SUCLG2: variants seen among roughly 807,000 people sequenced by gnomAD.
SUCLG2 encodes succinate-CoA ligase GDP-forming subunit beta.
In SUCLG2, 42 loss-of-function variants were observed where a neutral mutation model predicts 47.9. The ratio of observed to expected loss-of-function variants is 0.88; its 90% confidence interval spans 0.69 to 1.14. The LOEUF is 1.14. SUCLG2 is among the 50% of genes most tolerant of loss of function. The pLI is 0.00. For missense variants in SUCLG2, 571 were observed against 525.9 expected (o/e 1.09, Z -0.84); for synonymous variants, 195 against 197.3 (o/e 0.99, Z 0.10).
rs1004362426 is a variant in SUCLG2 at position 67,491,557 on chromosome 3, GT to G, written c.1062+4240del. Among the ~76,000 whole-genome samples, 150 of 151,942 alleles carry G rather than the reference GT, an allele frequency of 9.9e-4. 1 individual carries two copies. Among genetic ancestry groups the G allele is most frequent in the African/African-American group, 3.5e-3 (145 of 41,474 alleles). ...TTTTTGCATTTTAAGTAGAGACGGG[GT>G]TTTACCATTTTGGCCAGGCTGCTCT... On this transcript the variant is annotated intron_variant, in intron 9 of 10. Coordinates refer to ENST00000307227, the MANE Select transcript of SUCLG2 (RefSeq NM_003848.4).
chr3:67,376,901 A>G (rs1463284592), intron 10 of SUCLG2, among the ~76,000 whole-genome samples: 2 of 152,212 alleles, frequency 1.3e-5, no homozygotes, highest in African/African-American at 4.8e-5. Context: ...AAAATGTGGG[A>G]AGCTGCTACC....
At chr3:67,556,674 T>G (rs1707169105) in intron 2 of SUCLG2, among the ~76,000 whole-genome samples, 1 of 152,178 alleles carries the variant, frequency 6.6e-6, no homozygotes, top group Non-Finnish European at 1.5e-5. Context: ...TCCCATTGTC[T>G]CTGCTGCAGT....
intron 2 of SUCLG2, among the ~76,000 whole-genome samples, chr3:67,573,453 A>C (rs547700173): frequency 6.6e-6 from 1 of 152,390 alleles, no homozygotes; most frequent in East Asian, 1.9e-4. Context: ...TTTCTGACAT[A>C]TATTACATTT....
At chr3:67,480,134 C>T (rs1704872822) in intron 9 of SUCLG2, among the ~76,000 whole-genome samples, 1 of 69,996 alleles carries the variant, frequency 1.4e-5, no homozygotes, top group Admixed American at 2.0e-4. Context: ...GAGGCATATT[C>T]TCGGTTTGGT....
chr3:67,627,968 A>G (rs970936925), intron 1 of SUCLG2, among the ~76,000 whole-genome samples: 9 of 152,102 alleles, frequency 5.9e-5, no homozygotes, highest in Non-Finnish European at 1.3e-4. Flanking sequence ...TGCAAGTTAT[A>G]ATCTCTGTTT....
At chr3:67,568,989 T>C (rs945295115) in intron 2 of SUCLG2, among the ~76,000 whole-genome samples, 2 of 152,148 alleles carry the variant, frequency 1.3e-5, no homozygotes, top group African/African-American at 4.8e-5. Context: ...TAAGTCAGAG[T>C]TAAGATTGTT....
At chr3:67,606,658 T>C (rs572337659) in intron 2 of SUCLG2, among the ~76,000 whole-genome samples, 101 of 152,340 alleles carry the variant, frequency 6.6e-4, no homozygotes, top group African/African-American at 2.2e-3. Context: ...CTTATTTTAC[T>C]GGGATTTTTT....
intron 10 of SUCLG2, among the ~76,000 whole-genome samples, chr3:67,390,303 G>C (rs1702351955): frequency 6.6e-6 from 1 of 152,088 alleles, no homozygotes; most frequent in African/African-American, 2.4e-5. Flanking sequence ...AGATTCTGTT[G>C]CCCACCCACA....
At chr3:67,426,658 A>T (rs1031454085) in intron 9 of SUCLG2, among the ~76,000 whole-genome samples, 16 of 152,186 alleles carry the variant, frequency 1.1e-4, no homozygotes, top group Non-Finnish European at 1.3e-4. Flanking sequence ...TGCTGGGCGC[A>T]GTGGCTCACA....
chr3:67,590,856 C>T (rs547603295), intron 2 of SUCLG2, among the ~76,000 whole-genome samples: 1 of 152,276 alleles, frequency 6.6e-6, no homozygotes, highest in African/African-American at 2.4e-5. Flanking sequence ...CAAAGTTTCA[C>T]ATCTTTCCAG....
At chr3:67,495,726 GA>G in intron 9 of SUCLG2, 71 bp downstream of exon 9, 1 of 1,572,412 alleles carries the variant, frequency 6.4e-7, no homozygotes. Context: ...CTCTCACCAG[GA>G]AGAACAAGTG....
intron 2 of SUCLG2, among the ~76,000 whole-genome samples, chr3:67,589,747 C>T (rs1357730647): frequency 1.3e-5 from 2 of 152,178 alleles, no homozygotes; most frequent in Non-Finnish European, 2.9e-5. Context: ...GACCTGAACA[C>T]ACATACTCAT....
chr3:67,396,580 T>C (rs1702535581), intron 10 of SUCLG2, among the ~76,000 whole-genome samples: 1 of 152,170 alleles, frequency 6.6e-6, no homozygotes, highest in African/African-American at 2.4e-5. Context: ...CACAGCCGAA[T>C]TCTACCAGAG....
intron 7 of SUCLG2, among the ~76,000 whole-genome samples, chr3:67,507,353 T>C (rs974664780): frequency 2.6e-5 from 4 of 152,156 alleles, no homozygotes; most frequent in Admixed American, 1.3e-4. Flanking sequence ...CTGAAATCTA[T>C]ACTATTCCTG....
intron 10 of SUCLG2, among the ~76,000 whole-genome samples, chr3:67,390,011 T>C (rs2106787216): frequency 6.6e-6 from 1 of 152,278 alleles, no homozygotes; most frequent in African/African-American, 2.4e-5. Context: ...GATGGAAAAA[T>C]GTTACCAGAG....
chr3:67,482,057 G>C (rs1704932733), intron 9 of SUCLG2, among the ~76,000 whole-genome samples: 1 of 152,196 alleles, frequency 6.6e-6, no homozygotes, highest in Non-Finnish European at 1.5e-5. Context: ...GCACTCTCCT[G>C]TAGTCCCAGC....
intron 9 of SUCLG2, among the ~76,000 whole-genome samples, chr3:67,472,341 T>C (rs530479578): frequency 6.6e-6 from 1 of 152,226 alleles, no homozygotes; most frequent in African/African-American, 2.4e-5. Flanking sequence ...GAATGAAGTC[T>C]GTAGCAACCA....
At chr3:67,365,054 A>G (rs1260629922) in intron 10 of SUCLG2, among the ~76,000 whole-genome samples, 1 of 152,234 alleles carries the variant, frequency 6.6e-6, no homozygotes, top group African/African-American at 2.4e-5. Context: ...AATGGAGGGC[A>G]CAGAGAAAAG....
At chr3:67,510,451 T>G (rs1346543644) in intron 6 of SUCLG2, among the ~76,000 whole-genome samples, 2 of 152,096 alleles carry the variant, frequency 1.3e-5, no homozygotes, top group Non-Finnish European at 2.9e-5. Flanking sequence ...ACTTAAGGGT[T>G]TTCCCTGATT....
Sources: allele counts gnomAD v4.1 joint callset (sites outside exome capture counted in the v4.1 genomes callset), GRCh38; gene constraint gnomAD v4.1.1; transcripts MANE v1.5; gene names NCBI Gene and HGNC (gene_info 2026-07-23, HGNC 2026-07-21).